Variants in TENM2 observed in about 807,000 individuals in gnomAD.
TENM2 encodes teneurin transmembrane protein 2.
In TENM2, 52 loss-of-function variants were observed where a neutral mutation model predicts 245.2. That is an observed-to-expected ratio of 0.21 (90% CI 0.17 to 0.27). TENM2 has a LOEUF of 0.27. TENM2 is among the 10% of genes least tolerant of loss of function. The pLI is 1.00. For missense variants in TENM2, 3,046 were observed against 3,666.8 expected (o/e 0.83, Z 4.37); for synonymous variants, 1,363 against 1,438.9 (o/e 0.95, Z 1.19).
At chr5:167,754,907 GA>G in intron 2 of TENM2, 2 of 1,063,070 alleles carry the variant, frequency 1.9e-6, no homozygotes, top group Non-Finnish European at 2.6e-6. Flanking sequence ...AGCAGAAAGG[GA>G]GGAGGGAGAG....
At chr5:167,629,097 A>C (rs115694437) in intron 2 of TENM2, among the ~76,000 whole-genome samples, 1 of 152,222 alleles carries the variant, frequency 6.6e-6, no homozygotes, top group Non-Finnish European at 1.5e-5. Context: ...CATTTTCCAC[A>C]TTAGAAAAGT....
At chr5:167,900,843 T>G (rs1583316054) in intron 3 of TENM2, among the ~76,000 whole-genome samples, 2 of 117,714 alleles carry the variant, frequency 1.7e-5, no homozygotes, top group Non-Finnish European at 3.5e-5. Context: ...GGGGGTGAGG[T>G]GGGATTGAGG....
At chr5:167,360,593 T>C (rs1385803390) in intron 1 of TENM2, among the ~76,000 whole-genome samples, 1 of 152,198 alleles carries the variant, frequency 6.6e-6, no homozygotes, top group Non-Finnish European at 1.5e-5. Context: ...AGAATGAATA[T>C]TCATTACAGG....
intron 1 of TENM2, among the ~76,000 whole-genome samples, chr5:167,333,549 G>T (rs1437178013): frequency 2.0e-5 from 3 of 152,124 alleles, no homozygotes; most frequent in Non-Finnish European, 4.4e-5. Context: ...GAAATTATAT[G>T]TCCTTGGGCC....
At chr5:167,202,538 CT>C in the TENM2 span, among the ~76,000 whole-genome samples, 1 of 152,160 alleles carries the variant, frequency 6.6e-6, no homozygotes, top group Admixed American at 6.5e-5. Flanking sequence ...AGCCATATCT[CT>C]TCTTCATTTG....
intron 2 of TENM2, among the ~76,000 whole-genome samples, chr5:167,632,710 G>A (rs1176265745): frequency 1.3e-5 from 2 of 152,122 alleles, no homozygotes; most frequent in African/African-American, 2.4e-5. Flanking sequence ...ATGTGTGTGT[G>A]TGAGGTAGCT....
chr5:167,387,536 C>G (rs1369153272), intron 2 of TENM2, among the ~76,000 whole-genome samples: 2 of 152,026 alleles, frequency 1.3e-5, no homozygotes, highest in South Asian at 2.1e-4. Context: ...ATTGCTCTGG[C>G]TAGGACTTCA....
At chr5:167,587,581 A>C (rs1775592031) in intron 2 of TENM2, among the ~76,000 whole-genome samples, 1 of 152,136 alleles carries the variant, frequency 6.6e-6, no homozygotes, top group African/African-American at 2.4e-5. Flanking sequence ...TGCTAGAGAG[A>C]AGAATTGGAA....
At chr5:167,189,064 A>C in the TENM2 span, among the ~76,000 whole-genome samples, 1 of 152,166 alleles carries the variant, frequency 6.6e-6, no homozygotes, top group Non-Finnish European at 1.5e-5. Flanking sequence ...CACCATAAAA[A>C]GTTTATTTTA....
the TENM2 span, among the ~76,000 whole-genome samples, chr5:167,164,559 A>C: frequency 6.6e-6 from 1 of 152,214 alleles, no homozygotes; most frequent in Admixed American, 6.5e-5. Flanking sequence ...TAGAAAGAAT[A>C]GTTCAATCTA....
intron 2 of TENM2, among the ~76,000 whole-genome samples, chr5:167,743,044 A>T (rs1452307295): frequency 1.3e-5 from 2 of 152,258 alleles, no homozygotes; most frequent in African/African-American, 4.8e-5. Context: ...GAGCCGCCAT[A>T]TCGATAATCC....
At chr5:168,088,917 T>C (rs1792690708) in intron 7 of TENM2, among the ~76,000 whole-genome samples, 1 of 152,196 alleles carries the variant, frequency 6.6e-6, no homozygotes, top group African/African-American at 2.4e-5. Flanking sequence ...GGGGTTATAG[T>C]TGATGTCTGT....
chr5:167,092,706 C>T, the TENM2 span, among the ~76,000 whole-genome samples: 3 of 152,138 alleles, frequency 2.0e-5, no homozygotes, highest in Non-Finnish European at 2.9e-5. Context: ...GGATTTAGAA[C>T]TATGTTTGTT....
chr5:167,314,269 C>A (rs1030517712), intron 1 of TENM2, among the ~76,000 whole-genome samples: 1 of 151,978 alleles, frequency 6.6e-6, no homozygotes, highest in Non-Finnish European at 1.5e-5. Flanking sequence ...GGAAAAAAAA[C>A]AAATCCAGGG....
intron 2 of TENM2, among the ~76,000 whole-genome samples, chr5:167,735,009 G>A (rs1005766372): frequency 4.6e-5 from 7 of 152,180 alleles, no homozygotes; most frequent in Admixed American, 4.6e-4. Context: ...GTTTAGGGTG[G>A]TGTAGACAAA....
At chr5:167,185,937 A>G in the TENM2 span, among the ~76,000 whole-genome samples, 1 of 152,128 alleles carries the variant, frequency 6.6e-6, no homozygotes. Context: ...ACCAAACCAC[A>G]CTGACTCCTC....
intron 2 of TENM2, among the ~76,000 whole-genome samples, chr5:167,742,003 G>A (rs1462962515): frequency 2.0e-5 from 3 of 152,260 alleles, no homozygotes; most frequent in Admixed American, 6.5e-5. Flanking sequence ...GTCATATCAA[G>A]TCCCTCTTTC....
intron 1 of TENM2, among the ~76,000 whole-genome samples, chr5:167,298,342 GC>G (rs1256709231): frequency 2.6e-5 from 4 of 152,208 alleles, no homozygotes; most frequent in African/African-American, 9.6e-5. Context: ...GGTGGCTCAC[GC>G]CTGTAATCCC....
intron 2 of TENM2, among the ~76,000 whole-genome samples, chr5:167,470,454 C>CTTTTTTTTTTTTTTTTTTTTTTTGTTT (rs749016436): frequency 2.1e-5 from 1 of 47,394 alleles, no homozygotes; most frequent in Non-Finnish European, 3.6e-5. Context: ...GCAATGCTTG[C>CTTTTTTTTTTTTTTTTTTTTTTTGTTT]TTTTTTTTTT....
Sources: gnomAD v4.1 joint callset for allele counts (sites outside exome capture counted in the v4.1 genomes callset) on GRCh38, gnomAD v4.1.1 for gene constraint, MANE v1.5 for transcripts, NCBI Gene and HGNC (gene_info 2026-07-23, HGNC 2026-07-21) for gene names.